The following NFASC variants were observed in gnomAD, a reference collection of about 807,000 sequenced individuals.
NFASC encodes neurofascin homolog.
Under a neutral mutation model 147.5 loss-of-function variants are expected in NFASC, and 43 were observed. The ratio of observed to expected loss-of-function variants is 0.29; its 90% CI spans 0.23 to 0.38. The LOEUF is 0.38. NFASC is among the 10% of genes least tolerant of loss of function. The pLI is 1.00. For missense variants in NFASC, 1,320 were observed against 1,689.0 expected (o/e 0.78, Z 3.83); for synonymous variants, 622 against 665.5 (o/e 0.93, Z 1.01).
rs891523910 is a variant in NFASC, at chr1:204,949,381, A to C, written c.92-1176A>C. Among the ~76,000 whole-genome samples the C allele has an allele frequency of 4.6e-5, 7 of 152,348 alleles. No individual in the cohort carries two copies. The South Asian group carries it at 1.4e-3, about 32-fold the overall frequency. On this transcript the variant is annotated intron_variant, in intron 3 of 29. Transcript: ENST00000339876. The stretch of plus-strand genomic sequence containing the variant: ...CACTCAAGTCAAGTAGGAAGGCTTC[A>C]AAGTCACCATGGCTTTGCCCTGATG...
At chr1:204,872,732 G>A (rs988555259) in intron 1 of NFASC, among the ~76,000 whole-genome samples, 1 of 152,184 alleles carries the variant, frequency 6.6e-6, no homozygotes, top group Non-Finnish European at 1.5e-5. Flanking sequence ...TGTGCTCAGG[G>A]TGCAACAGGA....
At chr1:204,858,492 G>T (rs2076362880) in intron 1 of NFASC, among the ~76,000 whole-genome samples, 2 of 152,122 alleles carry the variant, frequency 1.3e-5, no homozygotes, top group Admixed American at 6.5e-5. Context: ...AGAGAGTCAT[G>T]ATGGCAACGA....
intron 1 of NFASC, among the ~76,000 whole-genome samples, chr1:204,874,529 C>T (rs1390370535): frequency 1.3e-5 from 2 of 152,210 alleles, no homozygotes; most frequent in Non-Finnish European, 2.9e-5. Flanking sequence ...CTCCAGGGCC[C>T]TGCCCCCGGT....
chr1:205,008,809 G>C (rs1026724359), intron 27 of NFASC: 1 of 108,928 alleles, frequency 9.2e-6, no homozygotes, highest in Non-Finnish European at 1.8e-5. Flanking sequence ...ACAGACCACC[G>C]GGGGGGTCAC....
In NFASC at chr1:204,954,393, C is replaced by T. The variant is rs747158298; in HGVS notation, c.412+9C>T. 9 of 1,612,444 alleles carry T rather than the reference C, an allele frequency of 5.6e-6. No homozygotes were observed. Among genetic ancestry groups the T allele is most frequent in the Admixed American group, 5.0e-5 (3 of 59,908 alleles). On this transcript the variant is annotated intron_variant, in intron 6 of 29. Coordinates refer to ENST00000339876, the MANE Select transcript of NFASC (RefSeq NM_001005388.3). This position sits in a 1 kb window ranked among gnomAD's most constrained non-coding sequence, Gnocchi z 5.7. Reference sequence around the variant, plus strand: ...CCGCCTGCAGGTGTCTAGTGAGTAGCGTGGGGCAGGGCTGAAATGCCCTGC... The same window carrying T: ...CCGCCTGCAGGTGTCTAGTGAGTAGTGTGGGGCAGGGCTGAAATGCCCTGC...
rs749817514 is a variant in NFASC at position 204,997,291 on chromosome 1, T to TACCACCATCGCCACCACC, written c.2911_2928dup (p.Ile971_Thr976dup). 17 of 1,608,236 alleles carry TACCACCATCGCCACCACC rather than the reference T, an allele frequency of 1.1e-5. No homozygotes were observed. The highest frequency in any genetic ancestry group is 1.4e-5 in the Non-Finnish European group (16 of 1,177,502). Reference sequence around the variant, plus strand: ...TCCCCATCATCCCAACTGTCGCACCTACCACCATCGCCACCACCACCACCG... The same window carrying TACCACCATCGCCACCACC: ...TCCCCATCATCCCAACTGTCGCACCTACCACCATCGCCACCACCACCACCATCGCCACCACCACCACCG... On this transcript the variant is annotated inframe_insertion, in exon 25 of 30. Transcript: ENST00000339876.
chr1:204,884,612 T>G (rs1267638064), intron 1 of NFASC, among the ~76,000 whole-genome samples: 1 of 152,296 alleles, frequency 6.6e-6, no homozygotes, highest in African/African-American at 2.4e-5. Context: ...TGACCTTGAA[T>G]AGGCTACTTA....
chr1:204,984,041 C>A, intron 21 of NFASC: 1 of 1,613,614 alleles, frequency 6.2e-7, no homozygotes, highest in Non-Finnish European at 8.5e-7. Context: ...CAGGGCTGCG[C>A]CCACTGAAGT....
chr1:204,895,606 G>A (rs2083245195), intron 1 of NFASC, among the ~76,000 whole-genome samples: 1 of 152,164 alleles, frequency 6.6e-6, no homozygotes, highest in South Asian at 2.1e-4. Context: ...TACAAAGATG[G>A]GCTTTAAGAT....
At chr1:204,880,042 A>G (rs1048665312) in intron 1 of NFASC, among the ~76,000 whole-genome samples, 8 of 152,090 alleles carry the variant, frequency 5.3e-5, no homozygotes, top group African/African-American at 1.7e-4. Context: ...GTGTGAACAC[A>G]TTTTCTAGAG....
At chr1:204,932,280 A>G (rs2802854) in intron 2 of NFASC, among the ~76,000 whole-genome samples, 16,967 of 152,266 alleles carry the variant, frequency 0.11, 1,066 homozygotes, top group Middle Eastern at 0.16. Flanking sequence ...TATAACAACC[A>G]TCTGAAAAAG....
chr1:204,970,491 G>T, intron 10 of NFASC, 125 bp from the exon 11 acceptor site: 1 of 1,085,140 alleles, frequency 9.2e-7, no homozygotes, highest in Non-Finnish European at 1.4e-6. Context: ...TGAGCCCTGG[G>T]GCAGGTGGTG....
rs774444917 is a variant in NFASC, at chr1:204,968,245, T to G, written c.707-4T>G. ...TCATGGGAGTTTGTTCTCTCCTGTT[T>G]CAGCCCGAGGAGTTGCAGAAAGAAC... On this transcript the variant is annotated splice_region_variant and splice_polypyrimidine_tract_variant and intron_variant, in intron 8 of 29. Transcript: ENST00000339876. This position sits in a 1 kb window ranked among gnomAD's most constrained non-coding sequence, Gnocchi z 5.4. 6.2e-7 allele frequency: 1 copy of G among 1,612,320 alleles called. No homozygotes were observed. The highest frequency in any genetic ancestry group is 1.3e-5 in the African/African-American group (1 of 75,022).
At chr1:204,965,863 A>G (rs150986742) in intron 8 of NFASC, among the ~76,000 whole-genome samples, 152 of 152,394 alleles carry the variant, frequency 1.0e-3, no homozygotes, top group Admixed American at 6.3e-3. Flanking sequence ...TAAATGGCAC[A>G]GAATCCAAAA....
rs1415779474 is a variant in NFASC, at chr1:204,987,034, G to C, written c.2471-384G>C. 4.7e-6 allele frequency: 1 copy of C among 211,230 alleles called. No homozygotes were observed. The highest frequency in any genetic ancestry group is 2.3e-5 in the African/African-American group (1 of 43,092). The allele number at this position is 211,230 out of a possible 1,614,324, so 13.1% of individuals were successfully genotyped here. A position where few individuals can be genotyped will look rare whatever the true frequency, so the allele number is the denominator to read the frequency against. On this transcript the variant is annotated intron_variant, in intron 21 of 29. Coordinates refer to ENST00000339876, the MANE Select transcript of NFASC (RefSeq NM_001005388.3). This position sits in a 1 kb window ranked among gnomAD's most constrained non-coding sequence, Gnocchi z 4.4. ...ATGAGAATCCTTATCTGAGGATAGG[G>C]AACTGCAGCCTCTGTACAAAACAGC...
At chr1:204,865,456 G>C (rs973199987) in intron 1 of NFASC, among the ~76,000 whole-genome samples, 5 of 152,158 alleles carry the variant, frequency 3.3e-5, no homozygotes, top group Non-Finnish European at 7.3e-5. Context: ...TGTAGTGTGA[G>C]GTTTGTAGTT....
In NFASC at chr1:204,830,009, GT is replaced by G. The variant is rs1671757376; in HGVS notation, c.-200+1228del. ...CTTCCTTGGCATTTTGGCATGGGGTGTGTGTGTGTGTGTGTGTGTGTGTGTG... is the reference window on the plus strand; with the variant it reads ...CTTCCTTGGCATTTTGGCATGGGGTGGTGTGTGTGTGTGTGTGTGTGTGTG... On this transcript the variant is annotated intron_variant, in intron 1 of 29. Transcript: ENST00000339876. 5.5e-3 allele frequency among the ~76,000 whole-genome samples: 99 copies of G among 18,162 alleles called. 2 individuals carry two copies. Among genetic ancestry groups the G allele is most frequent in the African/African-American group, 8.1e-3 (87 of 10,770 alleles). 11.9% of individuals were successfully genotyped at this position (18,162 alleles called of 152,430 possible).
intron 20 of NFASC, 26 bp from the exon 21 acceptor site, chr1:204,981,772 T>C (rs2150467970): frequency 6.8e-7 from 1 of 1,473,072 alleles, no homozygotes. Context: ...TGGCAGCCTC[T>C]CCAGCCTGTC....
intron 23 of NFASC, among the ~76,000 whole-genome samples, chr1:204,990,760 T>TC (rs922056864): frequency 1.1e-4 from 16 of 152,018 alleles, no homozygotes; most frequent in Non-Finnish European, 1.5e-5. Flanking sequence ...CTGAACATGC[T>TC]CCCTCTCTCC....
Sources: allele counts gnomAD v4.1 joint callset (sites outside exome capture counted in the v4.1 genomes callset), GRCh38; gene constraint gnomAD v4.1.1; non-coding constraint Gnocchi (gnomAD v3.1); transcripts MANE v1.5; gene names NCBI Gene and HGNC (gene_info 2026-07-23, HGNC 2026-07-21).